DPP10: variants seen among roughly 807,000 people sequenced by gnomAD.
DPP10 encodes dipeptidyl peptidase like 10.
DPP10 carries 33 observed loss-of-function variants against 120.9 expected under a neutral mutation model. That is an observed-to-expected ratio of 0.27 (90% CI 0.21 to 0.37). The LOEUF is 0.37. DPP10 is among the 10% of genes least tolerant of loss of function. The pLI is 1.00. For synonymous variants in DPP10, 337 were observed against 326.1 expected (o/e 1.03, Z -0.36); for missense variants, 816 against 942.8 (o/e 0.87, Z 1.76).
chr2:115,281,516 C>T (rs1295249133), intron 1 of DPP10, among the ~76,000 whole-genome samples: 2 of 152,188 alleles, frequency 1.3e-5, no homozygotes, highest in African/African-American at 2.4e-5. Flanking sequence ...ATGGCTATAT[C>T]GCTTGGTGAA....
chr2:115,468,614 C>G (rs2074482611), intron 3 of DPP10: 1 of 383,986 alleles, frequency 2.6e-6, no homozygotes, highest in Admixed American at 3.2e-5. Context: ...GTGGCACCAT[C>G]TCCCATGAAC....
At chr2:115,384,440 G>GA in intron 3 of DPP10, among the ~76,000 whole-genome samples, 1 of 133,786 alleles carries the variant, frequency 7.5e-6, no homozygotes, top group South Asian at 2.5e-4. Flanking sequence ...AGAAGAAGAA[G>GA]AGGAGGAAGA....
At chr2:115,298,040 A>G (rs182659263) in intron 1 of DPP10, among the ~76,000 whole-genome samples, 30 of 152,174 alleles carry the variant, frequency 2.0e-4, no homozygotes, top group Admixed American at 7.2e-4. Context: ...GCTGAAATGC[A>G]TCCCTCAAGA....
chr2:115,410,144 G>T (rs2068831577), intron 3 of DPP10, among the ~76,000 whole-genome samples: 1 of 152,072 alleles, frequency 6.6e-6, no homozygotes, highest in African/African-American at 2.4e-5. Flanking sequence ...ATATCCAAAG[G>T]AATATAAATT....
At chr2:114,539,204 T>C (rs1002003724) in intron 1 of DPP10, among the ~76,000 whole-genome samples, 1 of 148,646 alleles carries the variant, frequency 6.7e-6, no homozygotes, top group Non-Finnish European at 1.5e-5. Context: ...ATTATATTTA[T>C]AATTATACAC....
chr2:115,460,151 G>T (rs2073903941), intron 3 of DPP10, among the ~76,000 whole-genome samples: 1 of 151,824 alleles, frequency 6.6e-6, no homozygotes, highest in Non-Finnish European at 1.5e-5. Flanking sequence ...TCAATTTTTA[G>T]CTTTATAGGT....
chr2:115,074,910 T>G lies in DPP10; in HGVS notation c.61-234329T>G, dbSNP rs561478158. 9.8e-4 allele frequency among the ~76,000 whole-genome samples: 150 copies of G among 152,304 alleles called. 1 individual carries two copies. The Middle Eastern group carries it at 0.02, about 21-fold the overall frequency. On this transcript the variant is annotated intron_variant, in intron 1 of 25. Transcript: ENST00000410059. ...CTGCTAGTCAATAAAATTGGCAGGA[T>G]TAAATAAATCTCTTATATGAGGTAG...
chr2:115,153,160 C>T (rs2051676784), intron 1 of DPP10, among the ~76,000 whole-genome samples: 1 of 152,106 alleles, frequency 6.6e-6, no homozygotes, highest in South Asian at 2.1e-4. Flanking sequence ...TAATGCTTGT[C>T]CTTTGCTCCA....
chr2:115,476,095 G>T (rs190693333), intron 3 of DPP10, among the ~76,000 whole-genome samples: 2 of 152,242 alleles, frequency 1.3e-5, no homozygotes, highest in East Asian at 1.9e-4. Context: ...AGATTTGGAA[G>T]GTGCCAGGGG....
chr2:115,793,884 A>G (rs1263987752), intron 19 of DPP10, among the ~76,000 whole-genome samples: 1 of 152,140 alleles, frequency 6.6e-6, no homozygotes, highest in Non-Finnish European at 1.5e-5. Flanking sequence ...TATACTTACA[A>G]TATGATCTAT....
intron 3 of DPP10, among the ~76,000 whole-genome samples, chr2:115,402,917 GTATA>G (rs1207026184): frequency 7.4e-6 from 1 of 134,430 alleles, no homozygotes; most frequent in Non-Finnish European, 1.5e-5. Context: ...ATATATGTGT[GTATA>G]TATATATGTA....
chr2:114,855,329 A>G (rs1402202648), intron 1 of DPP10, among the ~76,000 whole-genome samples: 3 of 152,144 alleles, frequency 2.0e-5, no homozygotes, highest in Admixed American at 2.0e-4. Context: ...TTAAATTCCC[A>G]TGGACTTTAT....
chr2:115,157,377 A>G (rs1003333605), intron 1 of DPP10, among the ~76,000 whole-genome samples: 1 of 152,120 alleles, frequency 6.6e-6, no homozygotes, highest in Non-Finnish European at 1.5e-5. Flanking sequence ...CTTCCACCAG[A>G]GATCATAATT....
chr2:115,841,121 A>G (rs1409026545), intron 25 of DPP10, among the ~76,000 whole-genome samples: 1 of 151,974 alleles, frequency 6.6e-6, no homozygotes, highest in East Asian at 1.9e-4. Flanking sequence ...TGTTCCTTTT[A>G]TCTTTTCTTC....
chr2:115,260,121 C>T (rs890243412), intron 1 of DPP10, among the ~76,000 whole-genome samples: 1 of 150,634 alleles, frequency 6.6e-6, no homozygotes. Flanking sequence ...GTATACATAA[C>T]AATTATATGT....
At chr2:114,614,649 T>G (rs1339011153) in intron 1 of DPP10, among the ~76,000 whole-genome samples, 1 of 152,208 alleles carries the variant, frequency 6.6e-6, no homozygotes, top group Non-Finnish European at 1.5e-5. Flanking sequence ...AGTCAGATTT[T>G]ATTATATCAG....
At chr2:115,312,877 A>G (rs1339117111) in intron 2 of DPP10, among the ~76,000 whole-genome samples, 2 of 152,180 alleles carry the variant, frequency 1.3e-5, no homozygotes, top group East Asian at 3.9e-4. Flanking sequence ...AAATTCAGCA[A>G]GACACTGGGC....
chr2:115,336,946 A>G lies in DPP10; in HGVS notation c.176-6871A>G, dbSNP rs1158603937. Reference sequence around the variant, plus strand: ...AGAGAAAATTATTTAAATGTATCAAATAGTAAGATTTCTCTAGGTGATTCT... The same window carrying G: ...AGAGAAAATTATTTAAATGTATCAAGTAGTAAGATTTCTCTAGGTGATTCT... On this transcript the variant is annotated intron_variant, in intron 2 of 25. Coordinates refer to ENST00000410059, the MANE Select transcript of DPP10 (RefSeq NM_020868.6). Among the ~76,000 whole-genome samples, 3 of 152,134 alleles carry G rather than the reference A, an allele frequency of 2.0e-5. No homozygotes were observed. The East Asian group carries it at 5.8e-4, about 29-fold the overall frequency.
At chr2:114,776,379 G>C (rs1410168771) in intron 1 of DPP10, among the ~76,000 whole-genome samples, 1 of 152,028 alleles carries the variant, frequency 6.6e-6, no homozygotes, top group Non-Finnish European at 1.5e-5. Context: ...GACCTTTGCT[G>C]CTTATGTAGA....
Sources: gnomAD v4.1 joint callset for allele counts (sites outside exome capture counted in the v4.1 genomes callset) on GRCh38, gnomAD v4.1.1 for gene constraint, MANE v1.5 for transcripts, NCBI Gene and HGNC (gene_info 2026-07-23, HGNC 2026-07-21) for gene names.